The following ANKS1B variants were observed in gnomAD, a reference collection of about 807,000 sequenced individuals.
ANKS1B encodes the protein ankyrin repeat and sterile alpha motif domain-containing protein 1B.
A neutral mutation model predicts 148.3 loss-of-function variants in ANKS1B; 36 were observed. That is an observed-to-expected ratio of 0.24 (90% CI 0.19 to 0.32). The LOEUF (loss-of-function observed/expected upper bound fraction) is 0.32, where lower values mean the gene tolerates loss of function less well. Ranked by LOEUF, ANKS1B falls within the 10% of genes least tolerant of loss-of-function variation. The pLI is 1.00. For missense variants in ANKS1B, 1,157 were observed against 1,542.6 expected (o/e 0.75, Z 4.19); for synonymous variants, 542 against 560.8 (o/e 0.97, Z 0.47).
intron 14 of ANKS1B, among the ~76,000 whole-genome samples, chr12:99,238,325 A>G (rs917608644): frequency 6.6e-6 from 1 of 152,148 alleles, no homozygotes; most frequent in Non-Finnish European, 1.5e-5. Context: ...TCAACATGCA[A>G]TGCTGCAGCT....
intron 12 of ANKS1B, among the ~76,000 whole-genome samples, chr12:99,366,405 C>T (rs951820184): frequency 2.6e-5 from 4 of 152,184 alleles, no homozygotes; most frequent in Non-Finnish European, 5.9e-5. Flanking sequence ...TATGGCTCCT[C>T]TATTATTTCA....
chr12:99,022,925 C>T (rs938117469), intron 17 of ANKS1B, among the ~76,000 whole-genome samples: 5 of 152,054 alleles, frequency 3.3e-5, no homozygotes, highest in African/African-American at 9.7e-5. Flanking sequence ...GAAAATTTTA[C>T]TGTAAATCTG....
chr12:99,920,875 C>G (rs1405906078), intron 1 of ANKS1B, among the ~76,000 whole-genome samples: 1 of 152,160 alleles, frequency 6.6e-6, no homozygotes, highest in African/African-American at 2.4e-5. Context: ...GGACAATCTT[C>G]TTTACTCAGT....
At chr12:99,582,226 G>T (rs946203019) in intron 9 of ANKS1B, among the ~76,000 whole-genome samples, 2 of 151,586 alleles carry the variant, frequency 1.3e-5, no homozygotes, top group African/African-American at 2.4e-5. Context: ...GAATCAACCA[G>T]AACTCTCAGA....
At chr12:99,451,009 G>T (rs1012641410) in intron 10 of ANKS1B, among the ~76,000 whole-genome samples, 1 of 152,104 alleles carries the variant, frequency 6.6e-6, no homozygotes, top group African/African-American at 2.4e-5. Context: ...TGGTAAAATA[G>T]CAGCCTATGA....
chr12:99,319,667 C>T (rs1035422318), intron 12 of ANKS1B, among the ~76,000 whole-genome samples: 2 of 152,138 alleles, frequency 1.3e-5, no homozygotes, highest in African/African-American at 4.8e-5. Context: ...GAGCATTTAG[C>T]CCATTTACAT....
intron 16 of ANKS1B, among the ~76,000 whole-genome samples, chr12:99,058,905 T>C (rs1169964245): frequency 6.6e-6 from 1 of 150,882 alleles, no homozygotes; most frequent in Non-Finnish European, 1.5e-5. Context: ...GCCCGGCTAA[T>C]TTTTTGTATT....
At chr12:99,186,609 G>C (rs2079894424) in intron 14 of ANKS1B, among the ~76,000 whole-genome samples, 1 of 152,146 alleles carries the variant, frequency 6.6e-6, no homozygotes, top group South Asian at 2.1e-4. Flanking sequence ...GGTCTGGAGT[G>C]GACCTCCAGC....
At chr12:99,321,015 C>A (rs1405126393) in intron 12 of ANKS1B, among the ~76,000 whole-genome samples, 1 of 152,194 alleles carries the variant, frequency 6.6e-6, no homozygotes, top group East Asian at 1.9e-4. Flanking sequence ...GGCTGCAGAA[C>A]AGCAAATATT....
At chr12:99,017,919 G>C (rs992152070) in intron 17 of ANKS1B, among the ~76,000 whole-genome samples, 2 of 152,118 alleles carry the variant, frequency 1.3e-5, no homozygotes, top group African/African-American at 4.8e-5. Context: ...TTGTCTCACT[G>C]CTGTCCCCTC....
At chr12:99,014,427 A>G (rs1488911009) in intron 17 of ANKS1B, among the ~76,000 whole-genome samples, 1 of 152,246 alleles carries the variant, frequency 6.6e-6, no homozygotes, top group Admixed American at 6.5e-5. Context: ...ACCCTGGAAG[A>G]CAACCTAGGC....
At chr12:99,112,843 T>C (rs909015170) in intron 15 of ANKS1B, among the ~76,000 whole-genome samples, 2 of 152,236 alleles carry the variant, frequency 1.3e-5, no homozygotes, top group African/African-American at 4.8e-5. Flanking sequence ...TATTCTTTCA[T>C]TGTTTCTCTT....
intron 17 of ANKS1B, among the ~76,000 whole-genome samples, chr12:98,951,671 C>A (rs1184348769): frequency 1.3e-5 from 2 of 152,150 alleles, no homozygotes; most frequent in Non-Finnish European, 1.5e-5. Context: ...TGTCTGTGCC[C>A]TCTTCCCTCT....
intron 8 of ANKS1B, among the ~76,000 whole-genome samples, chr12:99,722,347 G>A (rs1427267566): frequency 2.0e-5 from 3 of 152,204 alleles, no homozygotes; most frequent in Non-Finnish European, 4.4e-5. Context: ...GTTTTGTTAG[G>A]TTGTAATGCA....
intron 10 of ANKS1B, among the ~76,000 whole-genome samples, chr12:99,453,611 C>T (rs574176751): frequency 5.9e-5 from 9 of 152,290 alleles, no homozygotes; most frequent in South Asian, 2.1e-4. Context: ...TACAGCCTCC[C>T]GGGAAATCTT....
chr12:99,724,413 A>G, intron 8 of ANKS1B, among the ~76,000 whole-genome samples: 1 of 152,220 alleles, frequency 6.6e-6, no homozygotes, highest in East Asian at 1.9e-4. Flanking sequence ...TCTGAGTTTG[A>G]AGACCACCTT....
chr12:98,757,073 C>G (rs1049440484), intron 25 of ANKS1B, among the ~76,000 whole-genome samples: 1 of 152,014 alleles, frequency 6.6e-6, no homozygotes, highest in African/African-American at 2.4e-5. Context: ...AAAGTTCTTG[C>G]TATCCTGAGA....
intron 1 of ANKS1B, among the ~76,000 whole-genome samples, chr12:99,838,560 T>C (rs2085212265): frequency 6.6e-6 from 1 of 152,176 alleles, no homozygotes; most frequent in South Asian, 2.1e-4. Context: ...CCCTTTCTAA[T>C]GTTGAAAATA....
At chr12:99,521,313 G>T (rs1325799220) in intron 9 of ANKS1B, among the ~76,000 whole-genome samples, 1 of 152,034 alleles carries the variant, frequency 6.6e-6, no homozygotes, top group African/African-American at 2.4e-5. Flanking sequence ...AATTTCTTTT[G>T]AGTTTCCTCA....
Sources: gnomAD v4.1 joint callset for allele counts (sites outside exome capture counted in the v4.1 genomes callset) on GRCh38, gnomAD v4.1.1 for gene constraint, MANE v1.5 for transcripts, NCBI Gene and HGNC (gene_info 2026-07-23, HGNC 2026-07-21) for gene names.